The following EIF3A variants were observed in gnomAD, a reference collection of about 807,000 sequenced individuals.
EIF3A encodes the protein EIF3, p180 subunit.
A neutral mutation model predicts 186.6 loss-of-function variants in EIF3A; 21 were observed. The observed-to-expected ratio is 0.11, with a 90% CI of 0.08 to 0.16. The LOEUF is 0.16. Ranked by LOEUF, EIF3A falls within the 10% of genes least tolerant of loss-of-function variation. The pLI is 1.00. For missense variants in EIF3A, 1,306 were observed against 1,796.3 expected, an observed-to-expected ratio of 0.73 and a Z score of 4.93; for synonymous variants, 563 against 584.3, an observed-to-expected ratio of 0.96 and a Z score of 0.52.
rs181567892 is a variant in EIF3A, at chr10:119,072,864, A to G, written c.541+26T>C. ...TCCTCAGTCAATTTCAAAGCACTTC[A>G]CTCAGATTTGATCTTCTCATCTTAC... On this transcript the variant is annotated intron_variant, in intron 4 of 21. Coordinates refer to ENST00000369144, the MANE Select transcript of EIF3A (RefSeq NM_003750.4). 113 of 1,588,646 alleles carry G rather than the reference A, an allele frequency of 7.1e-5. No individual in the cohort carries two copies. In the African/African-American group the frequency reaches 1.4e-3, roughly 19 times the overall value.
At chr10:119,037,527 T>A (rs1036993484) in intron 20 of EIF3A, among the ~76,000 whole-genome samples, 3 of 152,184 alleles carry the variant, frequency 2.0e-5, no homozygotes, top group Non-Finnish European at 4.4e-5. Context: ...TGTGGTTACT[T>A]ACATTTAAAG....
chr10:119,034,335 G>A lies in EIF3A; in HGVS notation c.*1704C>T, dbSNP rs1338090291. On this transcript the variant is annotated 3_prime_UTR_variant, in exon 22 of 22. Transcript: ENST00000369144. The stretch of plus-strand genomic sequence containing the variant: ...ACTCGCCTTGAAATCTAACTCTAAC[G>A]TAGGCAGCAGTAACTCGTCTGAACA... 1.2e-5 allele frequency: 2 copies of A among 165,302 alleles called. No individual in the cohort carries two copies. Among genetic ancestry groups the A allele is most frequent in the Non-Finnish European group, 1.5e-5 (1 of 68,100 alleles). The allele number at this position is 165,302 out of a possible 1,614,324, so 10.2% of individuals were successfully genotyped here.
chr10:119,065,620 TA>T (rs758575117), intron 6 of EIF3A, 50 bp from the exon 7 acceptor site: 21 of 1,381,168 alleles, frequency 1.5e-5, no homozygotes, highest in Non-Finnish European at 2.1e-5. Context: ...TGATACTTGG[TA>T]AGCAGAAAAG....
At chr10:119,064,494 G>T (rs1843940136) in intron 7 of EIF3A, among the ~76,000 whole-genome samples, 1 of 152,090 alleles carries the variant, frequency 6.6e-6, no homozygotes, top group African/African-American at 2.4e-5. Context: ...CCCAAGATCT[G>T]GTGTTGTTTA....
chr10:119,070,843 A>C, intron 5 of EIF3A, 43 bp downstream of exon 5: 2 of 1,382,802 alleles, frequency 1.4e-6, no homozygotes, highest in Non-Finnish European at 2.1e-6. Context: ...AAAGTAACAC[A>C]GACTATTATT....
chr10:119,046,449 G>A (rs1469509825), intron 17 of EIF3A, among the ~76,000 whole-genome samples: 1 of 152,174 alleles, frequency 6.6e-6, no homozygotes, highest in Non-Finnish European at 1.5e-5. Context: ...AAACATACTT[G>A]AGACTAAATA....
rs1843957255 is a variant in EIF3A at position 119,065,461 on chromosome 10, G to A, written c.1060C>T (p.Arg354Cys). ...MDGIIVEKQR[R>C]LATLLGLQAP... ...TGAAGACCTAGTAGTGTTGCAAGGC[G>A]ACGCTGTTTTTCAACTATAATGCCA... Residue 354 changes from arginine (R) to cysteine (C), a missense_variant, in exon 7 of 22, where the codon CGC (arginine) becomes TGC (cysteine). Coordinates refer to ENST00000369144, the MANE Select transcript of EIF3A (RefSeq NM_003750.4). The A allele has an allele frequency of 1.9e-6, 3 of 1,613,600 alleles. No individual in the cohort carries two copies. The highest frequency in any genetic ancestry group is 2.5e-6 in the Non-Finnish European group (3 of 1,179,550).
rs1205544180 is a variant in EIF3A, at chr10:119,051,312, T to C, written c.2206A>G (p.Met736Val). 1 of 1,593,510 alleles carries C rather than the reference T, an allele frequency of 6.3e-7. No homozygotes were observed. The highest frequency in any genetic ancestry group is 8.5e-7 in the Non-Finnish European group (1 of 1,173,562). Residue 736 changes from methionine (M) to valine (V), a missense_variant, in exon 15 of 22, where the codon ATG (methionine) becomes GTG (valine). Coordinates refer to ENST00000369144, the MANE Select transcript of EIF3A (RefSeq NM_003750.4). Reference protein sequence around the residue: ...EQQEEERITTMQLEREKALEH... With the variant: ...EQQEEERITTVQLEREKALEH... ...AGAGCCTTTTCACGTTCTAGCTGCATTGTAGTAATCTGCAAGTACAAATAT... is the reference window on the plus strand; with the variant it reads ...AGAGCCTTTTCACGTTCTAGCTGCACTGTAGTAATCTGCAAGTACAAATAT...
chr10:119,055,038 T>C (rs79032834), intron 14 of EIF3A, among the ~76,000 whole-genome samples: 3 of 151,916 alleles, frequency 2.0e-5, no homozygotes, highest in Non-Finnish European at 1.5e-5. Flanking sequence ...GGTGACCTCA[T>C]CTCCACTAAA....
chr10:119,035,717 C>T lies in EIF3A; in HGVS notation c.*322G>A. ...CAAAATCAAAAAAAAAGTATCAGTTCTATACCAAGATAAAGGTGTTACTCA... is the reference window on the plus strand; with the variant it reads ...CAAAATCAAAAAAAAAGTATCAGTTTTATACCAAGATAAAGGTGTTACTCA... On this transcript the variant is annotated 3_prime_UTR_variant, in exon 22 of 22. Transcript: ENST00000369144. 4.4e-6 allele frequency: 1 copy of T among 226,252 alleles called. No homozygotes were observed. Among genetic ancestry groups the T allele is most frequent in the Admixed American group, 5.1e-5 (1 of 19,572 alleles). The allele number at this position is 226,252 out of a possible 1,614,324, so 14.0% of individuals were successfully genotyped here.
rs1362796157 is a variant in EIF3A at position 119,035,832 on chromosome 10, C to G, written c.*207G>C. On this transcript the variant is annotated 3_prime_UTR_variant, in exon 22 of 22. Coordinates refer to ENST00000369144, the MANE Select transcript of EIF3A (RefSeq NM_003750.4). Reference sequence around the variant, plus strand: ...TGAAATAATGCAACACCCTTAAATTCCAGAAAATGGCATGGTTTTTCCAAC... The same window carrying G: ...TGAAATAATGCAACACCCTTAAATTGCAGAAAATGGCATGGTTTTTCCAAC... 58 of 476,980 alleles carry G rather than the reference C, an allele frequency of 1.2e-4. No homozygotes were observed. In the Admixed American group the frequency reaches 1.4e-3, roughly 12 times the overall value. The allele number at this position is 476,980 out of a possible 1,614,324, so 29.5% of individuals were successfully genotyped here. A position where few individuals can be genotyped will look rare whatever the true frequency, so the allele number is the denominator to read the frequency against.
intron 7 of EIF3A, among the ~76,000 whole-genome samples, chr10:119,063,511 G>T (rs1207825255): frequency 6.6e-6 from 1 of 152,076 alleles, no homozygotes; most frequent in African/African-American, 2.4e-5. Context: ...TTATCTTTTT[G>T]ATTTCTTTAT....
chr10:119,080,578 T>A, intron 1 of EIF3A, 50 bp downstream of exon 1: 1 of 1,546,794 alleles, frequency 6.5e-7, no homozygotes, highest in Non-Finnish European at 8.7e-7. Context: ...GCTCTCGACC[T>A]CGGAGGCCTC....
At position 119,058,318 on chromosome 10, in the gene EIF3A, G is replaced by A; in HGVS notation, c.1630-15C>T. On this transcript the variant is annotated splice_polypyrimidine_tract_variant and intron_variant, in intron 11 of 21. Transcript: ENST00000369144. ...TCTTTCTCTTGCTTCAAAAACAAAT[G>A]AATTTTTTTACATGACCAAAATTAA... The A allele has an allele frequency of 1.3e-6, 2 of 1,527,616 alleles. No individual in the cohort carries two copies. The highest frequency in any genetic ancestry group is 2.5e-5 in the South Asian group (2 of 80,528). The allele number at this position is 1,527,616 out of a possible 1,614,324, so 94.6% of individuals were successfully genotyped here. A position where few individuals can be genotyped will look rare whatever the true frequency, so the allele number is the denominator to read the frequency against.
At chr10:119,070,721 T>G (rs1844057937) in intron 5 of EIF3A, among the ~76,000 whole-genome samples, 165 bp downstream of exon 5, 1 of 152,196 alleles carries the variant, frequency 6.6e-6, no homozygotes, top group African/African-American at 2.4e-5. Context: ...AACAAAATAT[T>G]CTGAGATTTC....
At chr10:119,059,520 G>T in intron 10 of EIF3A, 82 bp downstream of exon 10, 1 of 1,334,456 alleles carries the variant, frequency 7.5e-7, no homozygotes, top group Non-Finnish European at 1.1e-6. Context: ...TGGTATCACT[G>T]TACCAAAAGC....
In EIF3A at chr10:119,059,570, C is replaced by T. The variant is rs747818712; in HGVS notation, c.1443+32G>A. On this transcript the variant is annotated intron_variant, in intron 10 of 21. Transcript: ENST00000369144. Reference sequence around the variant, plus strand: ...TATGTGTCTTTCTAGCCCTCAAGGGCCTTCTCCTGTCTCCTTACAGCACAT... The same window carrying T: ...TATGTGTCTTTCTAGCCCTCAAGGGTCTTCTCCTGTCTCCTTACAGCACAT... 6 of 1,529,066 alleles carry T rather than the reference C, an allele frequency of 3.9e-6. No homozygotes were observed. In the Admixed American group the frequency reaches 8.4e-5, roughly 21 times the overall value. 94.7% of individuals were successfully genotyped at this position (1,529,066 alleles called of 1,614,324 possible).
intron 17 of EIF3A, among the ~76,000 whole-genome samples, chr10:119,048,347 AG>A (rs1466470319): frequency 6.6e-6 from 1 of 152,160 alleles, no homozygotes; most frequent in Non-Finnish European, 1.5e-5. Context: ...ATGTAGGAAA[AG>A]AAAGAAGGAA....
At chr10:119,046,900 T>C (rs1848288930) in intron 17 of EIF3A, among the ~76,000 whole-genome samples, 3 of 151,954 alleles carry the variant, frequency 2.0e-5, no homozygotes, top group Middle Eastern at 3.4e-3. Context: ...GAGGCTGCAG[T>C]GGGCCGAGAT....
Sources: gnomAD v4.1 joint callset for allele counts (sites outside exome capture counted in the v4.1 genomes callset) on GRCh38, gnomAD v4.1.1 for gene constraint, MANE v1.5 for transcripts, NCBI Gene and HGNC (gene_info 2026-07-23, HGNC 2026-07-21) for gene names.